Variants in CEP120 observed in about 807,000 individuals in gnomAD.
The protein encoded by CEP120 is centrosomal protein of 120 kDa.
A neutral mutation model predicts 126.5 loss-of-function variants in CEP120; 113 were observed. That is an observed-to-expected ratio of 0.89 (90% CI 0.77 to 1.04). The LOEUF (loss-of-function observed/expected upper bound fraction) is 1.04, where lower values mean the gene tolerates loss of function less well. Among genes scored for constraint, CEP120 ranks in the 50% least tolerant of loss-of-function variants. The probability of loss-of-function intolerance (pLI) is 0.00; values close to 1 mark genes in which losing one functional copy is unlikely to be tolerated. For synonymous variants in CEP120, 400 were observed against 394.3 expected (o/e 1.01, Z -0.17); for missense variants, 1,230 against 1,155.7 (o/e 1.06, Z -0.93).
chr5:123,401,498 T>C, intron 4 of CEP120: 1 of 1,268,490 alleles, frequency 7.9e-7, no homozygotes, highest in Non-Finnish European at 1.2e-6. Flanking sequence ...CTTGATCTGG[T>C]ACATGCTCTC....
At chr5:123,349,830 T>C in intron 19 of CEP120, 114 bp downstream of exon 19, 1 of 826,640 alleles carries the variant, frequency 1.2e-6, no homozygotes, top group Non-Finnish European at 1.9e-6. Context: ...TGTATATGTC[T>C]GCTACATTTT....
intron 18 of CEP120, among the ~76,000 whole-genome samples, chr5:123,362,663 T>G (rs1770173671): frequency 6.6e-6 from 1 of 151,728 alleles, no homozygotes; most frequent in Non-Finnish European, 1.5e-5. Flanking sequence ...GCTCTAACAG[T>G]ATCATCATAG....
chr5:123,367,486 T>A (rs1770548798), intron 17 of CEP120, among the ~76,000 whole-genome samples: 2 of 151,870 alleles, frequency 1.3e-5, no homozygotes, highest in African/African-American at 4.8e-5. Flanking sequence ...CAATACCTTT[T>A]CAGCACTGAC....
In CEP120 at chr5:123,378,525, A is replaced by G. The variant is rs931396443; in HGVS notation, c.2104-97T>C. On this transcript the variant is annotated intron_variant, in intron 14 of 19. Coordinates refer to ENST00000306467, the MANE Select transcript of CEP120 (RefSeq NM_001375405.1). ...AAAATACACATCATTTCACTGAAACAGAGGACCTAAGAATAGGAAAGTCAC... is the reference window on the plus strand; with the variant it reads ...AAAATACACATCATTTCACTGAAACGGAGGACCTAAGAATAGGAAAGTCAC... 6.7e-6 allele frequency: 4 copies of G among 597,066 alleles called. No individual in the cohort carries two copies. In the Admixed American group the frequency reaches 1.6e-4, roughly 24 times the overall value. 37.0% of individuals were successfully genotyped at this position (597,066 alleles called of 1,614,324 possible).
intron 17 of CEP120, among the ~76,000 whole-genome samples, chr5:123,371,861 C>T (rs1424946211): frequency 1.3e-5 from 2 of 152,050 alleles, no homozygotes; most frequent in African/African-American, 2.4e-5. Context: ...ACAATTAAAT[C>T]CTTAAACTTT....
chr5:123,363,547 T>A (rs561044996), intron 18 of CEP120, among the ~76,000 whole-genome samples: 3 of 151,674 alleles, frequency 2.0e-5, no homozygotes, highest in African/African-American at 7.2e-5. Flanking sequence ...AGTCACATGG[T>A]ACATTATTTT....
At chr5:123,385,473 T>A (rs969706249) in intron 10 of CEP120, among the ~76,000 whole-genome samples, 1 of 152,194 alleles carries the variant, frequency 6.6e-6, no homozygotes, top group South Asian at 2.1e-4. Context: ...CTAGAAGCAA[T>A]AGGCTATTCC....
intron 1 of CEP120, 135 bp from the exon 2 acceptor site, chr5:123,418,650 T>C (rs1409240342): frequency 4.4e-6 from 3 of 679,400 alleles, no homozygotes; most frequent in Non-Finnish European, 6.7e-6. Flanking sequence ...AGGCTGGAGT[T>C]CAGTAGCGCA....
At chr5:123,386,210 A>G (rs1450768078) in intron 10 of CEP120, among the ~76,000 whole-genome samples, 2 of 152,162 alleles carry the variant, frequency 1.3e-5, no homozygotes, top group African/African-American at 4.8e-5. Flanking sequence ...TTCCCACATT[A>G]TATCAGGAAA....
chr5:123,406,566 T>G (rs1773684157), intron 4 of CEP120, among the ~76,000 whole-genome samples: 1 of 137,430 alleles, frequency 7.3e-6, no homozygotes, highest in African/African-American at 2.8e-5. Flanking sequence ...AAGGGTAGAG[T>G]GAAGTATTTA....
chr5:123,375,873 G>A (rs1771177707), intron 16 of CEP120, among the ~76,000 whole-genome samples: 1 of 152,038 alleles, frequency 6.6e-6, no homozygotes, highest in African/African-American at 2.4e-5. Context: ...ATGGCTCTGT[G>A]CTGCTGTGGA....
intron 2 of CEP120, among the ~76,000 whole-genome samples, chr5:123,417,111 A>C (rs1173457666): frequency 6.6e-6 from 1 of 152,160 alleles, no homozygotes; most frequent in Non-Finnish European, 1.5e-5. Flanking sequence ...CTCAGCCTAC[A>C]ACAATCAGAG....
intron 17 of CEP120, among the ~76,000 whole-genome samples, chr5:123,371,125 A>C (rs145367507): frequency 3.6e-4 from 55 of 152,176 alleles, no homozygotes; most frequent in African/African-American, 1.2e-3. Flanking sequence ...TTACAGGTTC[A>C]GCATCTCTCA....
At chr5:123,401,375 C>T (rs973326391) in intron 4 of CEP120, 4 of 1,523,100 alleles carry the variant, frequency 2.6e-6, no homozygotes, top group Non-Finnish European at 3.6e-6. Flanking sequence ...GCCTTTGAGG[C>T]CCTCATTCTC....
rs1218289301 is a variant in CEP120 at position 123,372,697 on chromosome 5, G to A, written c.2434C>T (p.Pro812Ser). The A allele has an allele frequency of 6.2e-7, 1 of 1,611,550 alleles. No individual in the cohort carries two copies. Among genetic ancestry groups the A allele is most frequent in the Non-Finnish European group, 8.5e-7 (1 of 1,178,780 alleles). Residue 812 changes from proline (P) to serine (S), a missense_variant, in exon 17 of 20, where the codon CCA becomes TCA. Transcript: ENST00000306467. ...ATTTCAGACTGTAGACGGATTTCTGGTTTGTTGTTTTGCTGGTCCTTGAAC... is the reference window on the plus strand; with the variant it reads ...ATTTCAGACTGTAGACGGATTTCTGATTTGTTGTTTTGCTGGTCCTTGAAC... Reference protein sequence around the residue: ...QQFKDQQNNKPEIRLQSEINL... With the variant: ...QQFKDQQNNKSEIRLQSEINL...
chr5:123,400,251 G>A (rs1262280819), intron 4 of CEP120, among the ~76,000 whole-genome samples: 1 of 152,048 alleles, frequency 6.6e-6, no homozygotes, highest in East Asian at 1.9e-4. Context: ...TCCTTGACTT[G>A]TTGCACAGGG....
In CEP120 at chr5:123,368,253, TACA is replaced by T. The variant is rs1770612193; in HGVS notation, c.2482-3662_2482-3660del. Among the ~76,000 whole-genome samples the T allele has an allele frequency of 2.0e-5, 3 of 152,086 alleles. No homozygotes were observed. In the South Asian group the frequency reaches 6.2e-4, roughly 32 times the overall value. ...GGGATGAATAAGATAACACCTCTGTTACAATTTTGATTTCTGGTCTTTAAATTT... is the reference window on the plus strand; with the variant it reads ...GGGATGAATAAGATAACACCTCTGTTATTTTGATTTCTGGTCTTTAAATTT... On this transcript the variant is annotated intron_variant, in intron 17 of 19. Coordinates refer to ENST00000306467, the MANE Select transcript of CEP120 (RefSeq NM_001375405.1).
chr5:123,391,390 T>G, intron 6 of CEP120, 53 bp from the exon 7 acceptor site: 1 of 1,318,392 alleles, frequency 7.6e-7, no homozygotes, highest in Non-Finnish European at 1.1e-6. Context: ...TCCTTTCTCC[T>G]AAATATCATA....
chr5:123,373,349 C>A (rs1383929084), intron 16 of CEP120, among the ~76,000 whole-genome samples: 2 of 151,948 alleles, frequency 1.3e-5, no homozygotes, highest in Non-Finnish European at 2.9e-5. Context: ...GAAAAAGAAA[C>A]CAGAAAAACC....
Sources: allele counts gnomAD v4.1 joint callset (sites outside exome capture counted in the v4.1 genomes callset), GRCh38; gene constraint gnomAD v4.1.1; transcripts MANE v1.5; gene names NCBI Gene and HGNC (gene_info 2026-07-23, HGNC 2026-07-21).